POLR3B: variants seen among roughly 807,000 people sequenced by gnomAD.
The protein encoded by POLR3B is RNA polymerase III subunit B.
POLR3B carries 96 observed loss-of-function variants against 147.4 expected under a neutral mutation model. That is an observed-to-expected ratio of 0.65 (90% CI 0.55 to 0.77). The LOEUF (loss-of-function observed/expected upper bound fraction) is 0.77. POLR3B is among the 30% of genes least tolerant of loss of function. The pLI, the probability that POLR3B is intolerant of heterozygous loss-of-function variation, is 0.00. For synonymous variants in POLR3B, 461 were observed against 485.9 expected, an observed-to-expected ratio of 0.95 and a Z score of 0.67; for missense variants, 1,036 against 1,413.5, an observed-to-expected ratio of 0.73 and a Z score of 4.28.
intron 1 of POLR3B, among the ~76,000 whole-genome samples, chr12:106,358,662 T>C (rs919452117): frequency 2.0e-5 from 3 of 152,096 alleles, no homozygotes; most frequent in African/African-American, 7.2e-5. Context: ...CCGGAGAAGA[T>C]AGCAAAGGAG....
chr12:106,385,174 T>C (rs1328591133), intron 9 of POLR3B, among the ~76,000 whole-genome samples: 4 of 152,162 alleles, frequency 2.6e-5, no homozygotes, highest in African/African-American at 7.2e-5. Context: ...TATTGATTAG[T>C]TGAGGAAAAT....
intron 16 of POLR3B, among the ~76,000 whole-genome samples, chr12:106,434,220 T>C (rs756147009): frequency 6.6e-6 from 1 of 152,188 alleles, no homozygotes; most frequent in African/African-American, 2.4e-5. Context: ...TGAGGTTGGA[T>C]TATTCTTGTC....
chr12:106,499,626 T>C (rs1592779294), intron 25 of POLR3B, among the ~76,000 whole-genome samples: 2 of 152,300 alleles, frequency 1.3e-5, no homozygotes, highest in Middle Eastern at 6.8e-3. Flanking sequence ...AACCCTACCA[T>C]TGAGGAATAG....
chr12:106,395,464 C>G (rs890735909), intron 10 of POLR3B, among the ~76,000 whole-genome samples: 1 of 152,018 alleles, frequency 6.6e-6, no homozygotes, highest in African/African-American at 2.4e-5. Flanking sequence ...GGAAAACTCA[C>G]TATCAGGAGG....
At chr12:106,463,240 A>G (rs907921855) in intron 22 of POLR3B, among the ~76,000 whole-genome samples, 3 of 152,196 alleles carry the variant, frequency 2.0e-5, no homozygotes, top group African/African-American at 7.2e-5. Context: ...GAATAACAGT[A>G]TGGACTGTTG....
intron 12 of POLR3B, among the ~76,000 whole-genome samples, chr12:106,422,946 C>T (rs1288734497): frequency 6.6e-6 from 1 of 152,016 alleles, no homozygotes; most frequent in African/African-American, 2.4e-5. Context: ...TGAATATTTT[C>T]TTTTCATTTA....
chr12:106,438,468 C>A (rs1565896738), intron 18 of POLR3B, among the ~76,000 whole-genome samples: 2 of 150,486 alleles, frequency 1.3e-5, no homozygotes, highest in African/African-American at 4.9e-5. Context: ...GATAGATAAC[C>A]ATATATATAT....
In POLR3B at chr12:106,410,964, A is replaced by G. The variant is rs759152529; in HGVS notation, c.1101+4A>G. 4.4e-6 allele frequency: 7 copies of G among 1,608,968 alleles called. No homozygotes were observed. The highest frequency in any genetic ancestry group is 6.0e-6 in the Non-Finnish European group (7 of 1,175,736). On this transcript the variant is annotated splice_donor_region_variant and intron_variant, in intron 12 of 27. Transcript: ENST00000228347. ...GCGACTGGAATTGGCAGGACAGGTG[A>G]TTTAATATTTTATGTCAGAAATCTT... is the stretch of plus-strand genomic sequence containing the variant.
At chr12:106,487,267 T>C (rs1195393575) in intron 23 of POLR3B, among the ~76,000 whole-genome samples, 1 of 152,240 alleles carries the variant, frequency 6.6e-6, no homozygotes, top group Non-Finnish European at 1.5e-5. Flanking sequence ...GGTTTGTTTG[T>C]TTGTTTGTTT....
intron 26 of POLR3B, among the ~76,000 whole-genome samples, chr12:106,502,713 G>A (rs2038620907): frequency 6.6e-6 from 1 of 152,114 alleles, no homozygotes; most frequent in Non-Finnish European, 1.5e-5. Flanking sequence ...ATAGACATAT[G>A]TGTGCTTAAA....
intron 19 of POLR3B, among the ~76,000 whole-genome samples, chr12:106,446,654 ACCCTGGGT>A (rs1322377331): frequency 6.6e-6 from 1 of 151,988 alleles, no homozygotes; most frequent in Admixed American, 6.6e-5. Context: ...AGCTGCTCTG[ACCCTGGGT>A]CCTGCACATT....
intron 13 of POLR3B, 83 bp downstream of exon 13, chr12:106,427,441 A>G: frequency 8.3e-7 from 1 of 1,207,902 alleles, no homozygotes; most frequent in South Asian, 1.2e-5. Flanking sequence ...GCACTTTGAG[A>G]ATCCAGGTGA....
intron 12 of POLR3B, among the ~76,000 whole-genome samples, chr12:106,426,080 T>A (rs2037430082): frequency 6.6e-6 from 1 of 152,140 alleles, no homozygotes; most frequent in Non-Finnish European, 1.5e-5. Context: ...TTTTAGCTGC[T>A]ATGAATAGCT....
chr12:106,430,310 A>G lies in POLR3B; in HGVS notation c.1301A>G (p.Gln434Arg). ...TTAAAGAGATTTAAAATGGACCGCCAGGGTGTAACCCAAGTGCTGTCTCGC... is the reference window on the plus strand; with the variant it reads ...TTAAAGAGATTTAAAATGGACCGCCGGGGTGTAACCCAAGTGCTGTCTCGC... ...WSLKRFKMDR[Q>R]GVTQVLSRLS... Residue 434 changes from glutamine (Q) to arginine (R), a missense_variant, in exon 14 of 28, where the codon CAG (glutamine) becomes CGG (arginine). Coordinates refer to ENST00000228347, the MANE Select transcript of POLR3B (RefSeq NM_018082.6). The G allele has an allele frequency of 6.2e-7, 1 of 1,614,098 alleles. No individual in the cohort carries two copies. Among genetic ancestry groups the G allele is most frequent in the Non-Finnish European group, 8.5e-7 (1 of 1,179,950 alleles).
intron 10 of POLR3B, among the ~76,000 whole-genome samples, chr12:106,403,699 C>T (rs1036105946): frequency 6.6e-6 from 1 of 151,486 alleles, no homozygotes; most frequent in Non-Finnish European, 1.5e-5. Context: ...TCTCAGCAAA[C>T]TATCGCAAGG....
Position 106,427,058 on chromosome 12 carries a change from A to G in POLR3B, c.1102-139A>G, listed in dbSNP as rs1174779388. 7.7e-6 allele frequency: 5 copies of G among 645,320 alleles called. No individual in the cohort carries two copies. The East Asian group carries it at 8.3e-5, about 11-fold the overall frequency. 40.0% of individuals were successfully genotyped at this position (645,320 alleles called of 1,614,324 possible). A position where few individuals can be genotyped will look rare whatever the true frequency, so the allele number is the denominator to read the frequency against. ...ATTATGTACATATCTGTCAAACTGA[A>G]TTTGAAAATAGCAATTTTTTTTCTG... On this transcript the variant is annotated intron_variant, in intron 12 of 27. Transcript: ENST00000228347.
intron 21 of POLR3B, among the ~76,000 whole-genome samples, chr12:106,458,984 G>A (rs1372299733): frequency 6.6e-6 from 1 of 152,118 alleles, no homozygotes; most frequent in African/African-American, 2.4e-5. Context: ...TCATGTTCAT[G>A]TAGTACTCTG....
At chr12:106,490,429 T>C (rs1344028106) in intron 23 of POLR3B, among the ~76,000 whole-genome samples, 1 of 152,222 alleles carries the variant, frequency 6.6e-6, no homozygotes, top group Non-Finnish European at 1.5e-5. Flanking sequence ...TGTATTGTCT[T>C]CTAGCGCCTC....
chr12:106,457,412 C>T, intron 21 of POLR3B, 116 bp downstream of exon 21: 1 of 785,258 alleles, frequency 1.3e-6, no homozygotes, highest in Non-Finnish European at 2.1e-6. Context: ...ATAAAACCAC[C>T]ATCCAAACTC....
Sources: gnomAD v4.1 joint callset for allele counts (sites outside exome capture counted in the v4.1 genomes callset) on GRCh38, gnomAD v4.1.1 for gene constraint, MANE v1.5 for transcripts, NCBI Gene and HGNC (gene_info 2026-07-23, HGNC 2026-07-21) for gene names.